The following KCTD8 variants were observed in gnomAD, a reference collection of about 807,000 sequenced individuals.
The protein encoded by KCTD8 is potassium channel tetramerization domain containing 8, also known as BTB/POZ domain-containing protein KCTD8.
In KCTD8, 27 loss-of-function variants were observed where a neutral mutation model predicts 31.5. The ratio of observed to expected loss-of-function variants is 0.86; its 90% CI spans 0.63 to 1.18. The LOEUF (loss-of-function observed/expected upper bound fraction) is 1.18. Ranked by LOEUF, KCTD8 falls within the 50% of genes most tolerant of loss-of-function variation. The probability of loss-of-function intolerance (pLI) is 0.00; values close to 1 mark genes in which losing one functional copy is unlikely to be tolerated. For synonymous variants in KCTD8, 290 were observed against 280.0 expected (o/e 1.04, Z -0.36); for missense variants, 658 against 647.7 (o/e 1.02, Z -0.17).
At chr4:44,274,923 T>C (rs1716712342) in intron 1 of KCTD8, among the ~76,000 whole-genome samples, 1 of 151,988 alleles carries the variant, frequency 6.6e-6, no homozygotes, top group Non-Finnish European at 1.5e-5. Flanking sequence ...TTAATGCTGC[T>C]TTATCATTCA....
chr4:44,272,872 CAT>C (rs1313580546), intron 1 of KCTD8, among the ~76,000 whole-genome samples: 1 of 151,982 alleles, frequency 6.6e-6, no homozygotes, highest in Non-Finnish European at 1.5e-5. Flanking sequence ...AATACGAAAA[CAT>C]AAATTCTTTT....
intron 1 of KCTD8, among the ~76,000 whole-genome samples, chr4:44,200,535 A>T (rs548776357): frequency 6.6e-6 from 1 of 152,250 alleles, no homozygotes; most frequent in South Asian, 2.1e-4. Flanking sequence ...TTCACCACAT[A>T]AACAGAATTA....
intron 1 of KCTD8, among the ~76,000 whole-genome samples, chr4:44,204,345 C>T (rs945128332): frequency 2.6e-5 from 4 of 152,078 alleles, no homozygotes; most frequent in Non-Finnish European, 5.9e-5. Flanking sequence ...GCAGACAGCC[C>T]GGCACCACAC....
chr4:44,446,763 C>T (rs188179931), intron 1 of KCTD8, among the ~76,000 whole-genome samples: 1 of 152,298 alleles, frequency 6.6e-6, no homozygotes, highest in African/African-American at 2.4e-5. Flanking sequence ...TTCTCTCTTT[C>T]TCTTCCCCTC....
At chr4:44,243,006 G>A (rs538211115) in intron 1 of KCTD8, among the ~76,000 whole-genome samples, 5 of 152,260 alleles carry the variant, frequency 3.3e-5, no homozygotes, top group Admixed American at 3.3e-4. Context: ...CCAGCCTCAG[G>A]TATTTATAGC....
At chr4:44,270,299 C>T (rs534151297) in intron 1 of KCTD8, among the ~76,000 whole-genome samples, 1 of 148,994 alleles carries the variant, frequency 6.7e-6, no homozygotes, top group Non-Finnish European at 1.5e-5. Flanking sequence ...GGACAAAAAA[C>T]CAAACACTGC....
Position 44,420,422 on chromosome 4 carries a change from T to G in KCTD8, c.961+27141A>C, listed in dbSNP as rs1035066082. Among the ~76,000 whole-genome samples the G allele has an allele frequency of 2.0e-5, 3 of 152,180 alleles. 1 individual carries two copies. Among genetic ancestry groups the G allele is most frequent in the South Asian group, 4.1e-4 (2 of 4,828 alleles). ...AAAAAATCAAGGATCAGCAAACTTT[T>G]TCTTCTAAAAGGCCAGACAAAAAGT... On this transcript the variant is annotated intron_variant, in intron 1 of 1. Coordinates refer to ENST00000360029, the MANE Select transcript of KCTD8 (RefSeq NM_198353.3).
chr4:44,272,395 A>G (rs1716639746), intron 1 of KCTD8, among the ~76,000 whole-genome samples: 1 of 151,996 alleles, frequency 6.6e-6, no homozygotes. Context: ...GACTTGTCCC[A>G]TCGCTCATAC....
chr4:44,436,491 T>C (rs1036230235), intron 1 of KCTD8, among the ~76,000 whole-genome samples: 1 of 152,126 alleles, frequency 6.6e-6, no homozygotes. Flanking sequence ...AAAGGCTATA[T>C]TTTTGAGACA....
intron 1 of KCTD8, among the ~76,000 whole-genome samples, chr4:44,225,793 A>G (rs1420215215): frequency 2.0e-5 from 3 of 147,542 alleles, no homozygotes; most frequent in African/African-American, 7.5e-5. Context: ...GCACCTATCA[A>G]CCCGTCACCT....
At chr4:44,213,440 A>G (rs1714553703) in intron 1 of KCTD8, among the ~76,000 whole-genome samples, 1 of 152,178 alleles carries the variant, frequency 6.6e-6, no homozygotes, top group Admixed American at 6.5e-5. Context: ...CATAACTTCT[A>G]ATTCCAATTC....
At position 44,240,283 on chromosome 4, in the gene KCTD8, G is replaced by A. The variant is rs139779938; in HGVS notation, c.962-65033C>T. Among the ~76,000 whole-genome samples, 207 of 152,188 alleles carry A rather than the reference G, an allele frequency of 1.4e-3. 1 individual carries two copies. Among genetic ancestry groups the A allele is most frequent in the African/African-American group, 4.8e-3 (200 of 41,504 alleles). On this transcript the variant is annotated intron_variant, in intron 1 of 1. Transcript: ENST00000360029. ...TTGTTAAGAAACTCACAGACTTCAC[G>A]GCTTACATTTGTTTCCTCCTCTGGA...
intron 1 of KCTD8, among the ~76,000 whole-genome samples, chr4:44,387,410 CAAGGCAATCCT>C (rs1720252692): frequency 6.6e-6 from 1 of 151,778 alleles, no homozygotes; most frequent in South Asian, 2.1e-4. Flanking sequence ...CCTGAATAAC[CAAGGCAATCCT>C]AAGCAAAAAG....
At chr4:44,369,598 G>A (rs557690274) in intron 1 of KCTD8, among the ~76,000 whole-genome samples, 1 of 152,246 alleles carries the variant, frequency 6.6e-6, no homozygotes, top group African/African-American at 2.4e-5. Context: ...TTGAGCCCAG[G>A]AGTTCATGAA....
At chr4:44,303,245 G>A (rs1413376657) in intron 1 of KCTD8, among the ~76,000 whole-genome samples, 1 of 152,098 alleles carries the variant, frequency 6.6e-6, no homozygotes, top group African/African-American at 2.4e-5. Flanking sequence ...AAATGAGTTA[G>A]GGAGGATTCC....
chr4:44,380,872 C>G (rs1720046632), intron 1 of KCTD8, among the ~76,000 whole-genome samples: 1 of 151,910 alleles, frequency 6.6e-6, no homozygotes, highest in Admixed American at 6.6e-5. Context: ...ATTTTTCACT[C>G]TTGTCCACAA....
chr4:44,262,936 A>T lies in KCTD8; in HGVS notation c.962-87686T>A, dbSNP rs1401057441. ...TGTTATTGTAATTGGTATGAAAACTAGAGCAAAGTAGAATCGCTAGTATTA... is the reference window on the plus strand; with the variant it reads ...TGTTATTGTAATTGGTATGAAAACTTGAGCAAAGTAGAATCGCTAGTATTA... On this transcript the variant is annotated intron_variant, in intron 1 of 1. Coordinates refer to ENST00000360029, the MANE Select transcript of KCTD8 (RefSeq NM_198353.3). Among the ~76,000 whole-genome samples the T allele has an allele frequency of 1.1e-4, 17 of 152,292 alleles. No homozygotes were observed. In the East Asian group the frequency reaches 2.9e-3, roughly 26 times the overall value.
chr4:44,355,030 A>G (rs976056103), intron 1 of KCTD8, among the ~76,000 whole-genome samples: 67 of 152,166 alleles, frequency 4.4e-4, no homozygotes, highest in African/African-American at 1.6e-3. Context: ...GTCTCAACAC[A>G]TTGTCTTATA....
intron 1 of KCTD8, among the ~76,000 whole-genome samples, chr4:44,437,694 C>A (rs546050038): frequency 6.6e-6 from 1 of 152,132 alleles, no homozygotes; most frequent in Non-Finnish European, 1.5e-5. Flanking sequence ...TTATTTAGCA[C>A]AGATTACTTG....
Sources: allele counts gnomAD v4.1 joint callset (sites outside exome capture counted in the v4.1 genomes callset), GRCh38; gene constraint gnomAD v4.1.1; transcripts MANE v1.5; gene names NCBI Gene and HGNC (gene_info 2026-07-23, HGNC 2026-07-21).